The following CDH8 variants were observed in gnomAD, a reference collection of about 807,000 sequenced individuals.
CDH8 encodes cadherin-8.
A neutral mutation model predicts 68.1 loss-of-function variants in CDH8; 17 were observed. That is an observed-to-expected ratio of 0.25 (90% CI 0.17 to 0.37). The LOEUF is 0.37. Among genes scored for constraint, CDH8 ranks in the 10% least tolerant of loss-of-function variants. The probability of loss-of-function intolerance (pLI) is 1.00; values close to 1 mark genes in which losing one functional copy is unlikely to be tolerated. For missense variants in CDH8, 763 were observed against 999.3 expected (o/e 0.76, Z 3.19); for synonymous variants, 372 against 365.1 (o/e 1.02, Z -0.21).
chr16:61,971,264 G>A (rs1006315823), intron 2 of CDH8, among the ~76,000 whole-genome samples: 2 of 152,044 alleles, frequency 1.3e-5, no homozygotes, highest in Non-Finnish European at 1.5e-5. Flanking sequence ...GTCTTCACAC[G>A]GACGTGCATG....
chr16:61,960,167 A>C (rs547306947), intron 2 of CDH8, among the ~76,000 whole-genome samples: 1 of 140,970 alleles, frequency 7.1e-6, no homozygotes, highest in Non-Finnish European at 1.6e-5. Context: ...GTGTGTATAC[A>C]CATACATATA....
chr16:61,943,045 G>A (rs1377473902), intron 2 of CDH8, among the ~76,000 whole-genome samples: 1 of 152,208 alleles, frequency 6.6e-6, no homozygotes. Context: ...CTGGACAAAA[G>A]AGTGAGACCT....
intron 4 of CDH8, among the ~76,000 whole-genome samples, chr16:61,852,000 A>C (rs1962947792): frequency 6.6e-6 from 1 of 152,102 alleles, no homozygotes; most frequent in African/African-American, 2.4e-5. Context: ...CATGCAAGTC[A>C]AACTCAGTTG....
intron 2 of CDH8, among the ~76,000 whole-genome samples, chr16:61,984,069 C>A (rs1965586399): frequency 6.6e-6 from 1 of 151,996 alleles, no homozygotes; most frequent in South Asian, 2.1e-4. Flanking sequence ...AGGCGTGAGC[C>A]CACCACACCT....
chr16:61,768,344 CTCTCTCTCTCTCTCTCTCTCTCTCCCTT>C (rs1960659810), intron 8 of CDH8, among the ~76,000 whole-genome samples: 8 of 111,404 alleles, frequency 7.2e-5, no homozygotes, highest in Admixed American at 9.0e-5. Flanking sequence ...CTCTCTCTCT[CTCTCTCTCTCTCTCTCTCTCTCTCCCTT>C]TCTCTCTCTC....
chr16:61,945,624 C>T (rs935792093), intron 2 of CDH8, among the ~76,000 whole-genome samples: 2 of 151,988 alleles, frequency 1.3e-5, no homozygotes, highest in Admixed American at 6.6e-5. Flanking sequence ...GAAGAGCAGA[C>T]GGTTGAGGAG....
chr16:61,966,265 C>T lies in CDH8; in HGVS notation c.252+54887G>A, dbSNP rs112438863. On this transcript the variant is annotated intron_variant, in intron 2 of 11. Transcript: ENST00000577390. ...AATAAAAAATAGAATGTGGGCCGGGCGCCGTGGCTCACGTCTGTAATCCCA... is the reference window on the plus strand; with the variant it reads ...AATAAAAAATAGAATGTGGGCCGGGTGCCGTGGCTCACGTCTGTAATCCCA... Among the ~76,000 whole-genome samples the T allele has an allele frequency of 4.2e-3, 642 of 152,170 alleles. 11 individuals are homozygous for T. The highest frequency in any genetic ancestry group is 0.014 in the African/African-American group (595 of 41,524).
At chr16:61,839,710 G>A (rs1239435765) in intron 4 of CDH8, among the ~76,000 whole-genome samples, 1 of 152,062 alleles carries the variant, frequency 6.6e-6, no homozygotes, top group Non-Finnish European at 1.5e-5. Flanking sequence ...TAGATAATGT[G>A]ATTCCAATTA....
rs1567520357 is a variant in CDH8, at chr16:61,901,387, A to C, written c.339T>G (p.Asp113Glu). Residue 113 changes from aspartate (D) to glutamate (E), a missense_variant, in exon 3 of 12, where the codon GAT becomes GAG. By Grantham distance (45) the Asp-to-Glu change is conservative. Transcript: ENST00000577390. The part of the protein sequence containing the change: ...DGAGTIFQIN[D>E]VTGDIHAIKR... The stretch of plus-strand genomic sequence containing the variant: ...TTATAGCATGGATATCTCCAGTTAC[A>C]TCATTTATTTGAAATATGGTCCCAG... The C allele has an allele frequency of 6.2e-7, 1 of 1,613,880 alleles. No homozygotes were observed. Among genetic ancestry groups the C allele is most frequent in the East Asian group, 2.2e-5 (1 of 44,860 alleles).
chr16:61,850,860 C>A (rs937618002), intron 4 of CDH8, among the ~76,000 whole-genome samples: 4 of 151,970 alleles, frequency 2.6e-5, no homozygotes, highest in Admixed American at 2.0e-4. Flanking sequence ...TGTCATGAAC[C>A]CTATATTATG....
intron 10 of CDH8, among the ~76,000 whole-genome samples, chr16:61,676,892 G>T (rs1211784824): frequency 6.6e-6 from 1 of 152,000 alleles, no homozygotes; most frequent in Non-Finnish European, 1.5e-5. Context: ...AGAGAGATAA[G>T]AAAACTTTGT....
chr16:61,700,706 T>C (rs1964411856), intron 10 of CDH8, among the ~76,000 whole-genome samples: 1 of 152,162 alleles, frequency 6.6e-6, no homozygotes. Flanking sequence ...CTCTTGGAAG[T>C]AGAACCAGAA....
intron 4 of CDH8, among the ~76,000 whole-genome samples, chr16:61,854,846 T>C (rs1018011100): frequency 5.3e-5 from 8 of 152,128 alleles, no homozygotes; most frequent in African/African-American, 1.9e-4. Flanking sequence ...TCCTCAAAGA[T>C]AGAGTCTAAT....
intron 2 of CDH8, among the ~76,000 whole-genome samples, chr16:61,972,061 C>T (rs1389754985): frequency 6.6e-6 from 1 of 152,060 alleles, no homozygotes; most frequent in Non-Finnish European, 1.5e-5. Flanking sequence ...CAGGGTGGGG[C>T]CAGGTGGAGA....
At chr16:61,852,291 G>C (rs1419034732) in intron 4 of CDH8, among the ~76,000 whole-genome samples, 1 of 151,954 alleles carries the variant, frequency 6.6e-6, no homozygotes, top group East Asian at 1.9e-4. Context: ...TCCACAGTTT[G>C]GTTTAGTGTT....
At chr16:61,777,613 G>A (rs2142991536) in intron 8 of CDH8, among the ~76,000 whole-genome samples, 1 of 152,224 alleles carries the variant, frequency 6.6e-6, no homozygotes, top group South Asian at 2.1e-4. Flanking sequence ...AACAAGGGCA[G>A]GAAAGATGAA....
intron 10 of CDH8, among the ~76,000 whole-genome samples, chr16:61,687,070 T>C (rs1261709645): frequency 6.6e-6 from 1 of 151,970 alleles, no homozygotes; most frequent in Non-Finnish European, 1.5e-5. Flanking sequence ...TTTAAAATTA[T>C]GTTGATACTT....
intron 3 of CDH8, among the ~76,000 whole-genome samples, chr16:61,866,578 G>A (rs970862423): frequency 2.0e-5 from 3 of 147,428 alleles, no homozygotes; most frequent in Non-Finnish European, 4.5e-5. Flanking sequence ...TAGTGTGTGT[G>A]TGTATATATA....
chr16:61,922,013 A>G (rs1001729866), intron 2 of CDH8, among the ~76,000 whole-genome samples: 1 of 151,666 alleles, frequency 6.6e-6, no homozygotes, highest in Non-Finnish European at 1.5e-5. Context: ...CCTGGGCGAC[A>G]GAGCAAGCCT....
Sources: allele counts gnomAD v4.1 joint callset (sites outside exome capture counted in the v4.1 genomes callset), GRCh38; gene constraint gnomAD v4.1.1; transcripts MANE v1.5; gene names NCBI Gene and HGNC (gene_info 2026-07-23, HGNC 2026-07-21).